PTPRD: variants seen among roughly 807,000 people sequenced by gnomAD.
PTPRD encodes the protein protein tyrosine phosphatase receptor type D.
PTPRD carries 34 observed loss-of-function variants against 214.5 expected under a neutral mutation model. The observed-to-expected ratio is 0.16, with a 90% CI of 0.12 to 0.21. PTPRD has a LOEUF of 0.21. Among genes scored for constraint, PTPRD ranks in the 10% least tolerant of loss-of-function variants. PTPRD has a pLI of 1.00. For synonymous variants in PTPRD, 1,128 were observed against 845.7 expected (o/e 1.33, Z -5.79); for missense variants, 2,545 against 2,398.7 (o/e 1.06, Z -1.27).
At position 10,264,071 on chromosome 9, in the gene PTPRD, C is replaced by A. The variant is rs1307222415; in HGVS notation, c.-545+76892G>T. On this transcript the variant is annotated intron_variant, in intron 3 of 45. Transcript: ENST00000381196. ...GTCAAGAATTGAGGTTTGGGAACTT[C>A]CGCCTAGTTTTCAGAGGATATATGG... is the stretch of plus-strand genomic sequence containing the variant. Among the ~76,000 whole-genome samples the A allele has an allele frequency of 2.0e-5, 3 of 152,272 alleles. No homozygotes were observed. The East Asian group carries it at 5.8e-4, about 29-fold the overall frequency.
intron 12 of PTPRD, among the ~76,000 whole-genome samples, chr9:8,717,632 G>A (rs1033381428): frequency 6.6e-6 from 1 of 152,176 alleles, no homozygotes; most frequent in Non-Finnish European, 1.5e-5. Context: ...CCTCACTTGA[G>A]AATAAACTGA....
intron 3 of PTPRD, among the ~76,000 whole-genome samples, chr9:10,111,522 G>A (rs1179667507): frequency 6.6e-6 from 1 of 152,120 alleles, no homozygotes; most frequent in East Asian, 1.9e-4. Context: ...ACAGGCGTGA[G>A]CCACCGCGCC....
rs1039350859 is a variant in PTPRD, at chr9:8,486,372, G to T, written c.2468-23C>A. On this transcript the variant is annotated intron_variant, in intron 27 of 45. Transcript: ENST00000381196. The stretch of plus-strand genomic sequence containing the variant: ...GAACTGGAGCACATGGGATGGAGTG[G>T]TAAGACCAACCAATCTGAACGTTCA... The T allele has an allele frequency of 2.5e-6, 4 of 1,590,302 alleles. No individual in the cohort carries two copies. The African/African-American group carries it at 5.4e-5, about 21-fold the overall frequency.
chr9:10,171,908 G>C (rs867003460), intron 3 of PTPRD, among the ~76,000 whole-genome samples: 1 of 152,122 alleles, frequency 6.6e-6, no homozygotes, highest in South Asian at 2.1e-4. Context: ...GTAGGCAGTA[G>C]AAAGGACAGA....
At chr9:8,956,602 T>C (rs1264931864) in intron 11 of PTPRD, among the ~76,000 whole-genome samples, 2 of 151,852 alleles carry the variant, frequency 1.3e-5, no homozygotes, top group Non-Finnish European at 2.9e-5. Flanking sequence ...TGCTGGATTG[T>C]ATTTTTAAAA....
chr9:10,410,253 G>GTA (rs34284610), intron 2 of PTPRD, among the ~76,000 whole-genome samples: 4,497 of 127,120 alleles, frequency 0.035, 159 homozygotes, highest in African/African-American at 0.077. Flanking sequence ...CATATTTTGT[G>GTA]TATATATATA....
At chr9:10,258,800 A>G (rs1192870846) in intron 3 of PTPRD, among the ~76,000 whole-genome samples, 1 of 152,124 alleles carries the variant, frequency 6.6e-6, no homozygotes, top group Non-Finnish European at 1.5e-5. Context: ...AGTGGTTAAA[A>G]ATTCAGAGTA....
chr9:10,314,100 C>A (rs2096351990), intron 3 of PTPRD, among the ~76,000 whole-genome samples: 2 of 151,872 alleles, frequency 1.3e-5, no homozygotes, highest in African/African-American at 4.8e-5. Context: ...GAATTTTAAT[C>A]TTCAGGTAGA....
rs548284418 is a variant in PTPRD at position 9,033,242 on chromosome 9, G to A, written c.-142-14507C>T. 2.0e-5 allele frequency among the ~76,000 whole-genome samples: 3 copies of A among 152,220 alleles called. No homozygotes were observed. The South Asian group carries it at 6.2e-4, about 32-fold the overall frequency. On this transcript the variant is annotated intron_variant, in intron 10 of 45. Coordinates refer to ENST00000381196, the MANE Select transcript of PTPRD (RefSeq NM_002839.4). The stretch of plus-strand genomic sequence containing the variant: ...ATCCCTTTTCCAAGAATGTGTGACA[G>A]AGTTAGAAACACCAAACTTTATTGC...
chr9:9,935,762 A>G (rs1335055998), intron 5 of PTPRD, among the ~76,000 whole-genome samples: 1 of 149,344 alleles, frequency 6.7e-6, no homozygotes, highest in Non-Finnish European at 1.5e-5. Flanking sequence ...AAAAGCCCGC[A>G]TTGCCAAGTC....
At chr9:8,827,124 C>G (rs1232656199) in intron 11 of PTPRD, among the ~76,000 whole-genome samples, 1 of 151,982 alleles carries the variant, frequency 6.6e-6, no homozygotes, top group Non-Finnish European at 1.5e-5. Flanking sequence ...GCTCACTACA[C>G]TTCTGATAAA....
At chr9:8,767,713 C>T (rs1014737550) in intron 11 of PTPRD, among the ~76,000 whole-genome samples, 3 of 151,914 alleles carry the variant, frequency 2.0e-5, no homozygotes, top group Admixed American at 1.3e-4. Flanking sequence ...TTTTTTAATT[C>T]GGATGCTCAG....
chr9:8,333,438 C>A (rs965743363), intron 43 of PTPRD, among the ~76,000 whole-genome samples: 1 of 152,146 alleles, frequency 6.6e-6, no homozygotes, highest in African/African-American at 2.4e-5. Flanking sequence ...CCCAGAATTG[C>A]ATATCCAGCC....
intron 9 of PTPRD, among the ~76,000 whole-genome samples, chr9:9,339,590 C>A (rs1380102580): frequency 6.6e-6 from 1 of 152,160 alleles, no homozygotes; most frequent in East Asian, 1.9e-4. Flanking sequence ...TGTTACATAA[C>A]ACATATTTAC....
intron 37 of PTPRD, among the ~76,000 whole-genome samples, chr9:8,387,152 G>A (rs2087413159): frequency 6.6e-6 from 1 of 152,184 alleles, no homozygotes; most frequent in Non-Finnish European, 1.5e-5. Flanking sequence ...AAAGGAGAAA[G>A]CTAACTTGCA....
chr9:9,728,471 T>C (rs1446229488), intron 7 of PTPRD, among the ~76,000 whole-genome samples: 1 of 152,186 alleles, frequency 6.6e-6, no homozygotes, highest in Admixed American at 6.5e-5. Context: ...TGAATGATGC[T>C]AGTTGGCATG....
rs559491080 is a variant in PTPRD, at chr9:10,572,637, T to C, written c.-600+39761A>G. On this transcript the variant is annotated intron_variant, in intron 2 of 45. Transcript: ENST00000381196. ...TAAAAAAAGCAGTTGTCCATGCCTG[T>C]GATGTGTGTTTATAATTCAGAATAA... 3.4e-4 allele frequency among the ~76,000 whole-genome samples: 52 copies of C among 152,310 alleles called. No individual in the cohort carries two copies. The South Asian group carries it at 0.01, about 30-fold the overall frequency.
chr9:8,821,741 C>T lies in PTPRD; in HGVS notation c.-103-87795G>A, dbSNP rs140131191. ...ATTGCAGTGGCACAATCTCGGCTCA[C>T]GGCAACCTCCGCCTCCCAGGTTCAA... is the stretch of plus-strand genomic sequence containing the variant. On this transcript the variant is annotated intron_variant, in intron 11 of 45. Transcript: ENST00000381196. 9.9e-3 allele frequency among the ~76,000 whole-genome samples: 1,505 copies of T among 152,302 alleles called. 28 individuals carry two copies. The highest frequency in any genetic ancestry group is 0.035 in the African/African-American group (1,450 of 41,578).
intron 5 of PTPRD, among the ~76,000 whole-genome samples, chr9:9,828,296 C>T (rs1486002303): frequency 6.6e-6 from 1 of 152,106 alleles, no homozygotes; most frequent in Non-Finnish European, 1.5e-5. Flanking sequence ...AAATGTGGCA[C>T]ATATACATCA....
Sources: allele counts gnomAD v4.1 joint callset (sites outside exome capture counted in the v4.1 genomes callset), GRCh38; gene constraint gnomAD v4.1.1; transcripts MANE v1.5; gene names NCBI Gene and HGNC (gene_info 2026-07-23, HGNC 2026-07-21).